Variants in NBEAL1 observed in about 807,000 individuals in gnomAD.
NBEAL1 encodes neurobeachin-like protein 1.
A neutral mutation model predicts 351.3 loss-of-function variants in NBEAL1; 273 were observed. The ratio of observed to expected loss-of-function variants is 0.78; its 90% confidence interval spans 0.70 to 0.86. The LOEUF (loss-of-function observed/expected upper bound fraction) is 0.86. Ranked by LOEUF, NBEAL1 falls within the 40% of genes least tolerant of loss-of-function variation. The pLI, the probability that NBEAL1 is intolerant of heterozygous loss-of-function variation, is 0.00. For missense variants in NBEAL1, 2,961 were observed against 3,201.3 expected (o/e 0.92, Z 1.81); for synonymous variants, 1,050 against 1,086.4 (o/e 0.97, Z 0.66).
chr2:203,152,124 A>T (rs915281082), intron 35 of NBEAL1, among the ~76,000 whole-genome samples: 8 of 151,384 alleles, frequency 5.3e-5, no homozygotes, highest in African/African-American at 1.9e-4. Flanking sequence ...CACCTGGCTA[A>T]TTTTTGTATT....
At position 203,064,920 on chromosome 2, in the gene NBEAL1, A is replaced by G. The variant is rs566155561; in HGVS notation, c.516-3473A>G. Among the ~76,000 whole-genome samples, 14 of 152,304 alleles carry G rather than the reference A, an allele frequency of 9.2e-5. 1 individual carries two copies. The South Asian group carries it at 2.3e-3, about 25-fold the overall frequency. On this transcript the variant is annotated intron_variant, in intron 6 of 55. Coordinates refer to ENST00000683969, the MANE Select transcript of NBEAL1 (RefSeq NM_001378026.1). The stretch of plus-strand genomic sequence containing the variant: ...ACTATATCCCTATTAGTAAATATTC[A>G]CTAAAATATTAAGAGAGGAAGGACC...
intron 10 of NBEAL1, among the ~76,000 whole-genome samples, chr2:203,092,431 G>A (rs2062085604): frequency 6.6e-6 from 1 of 152,018 alleles, no homozygotes; most frequent in South Asian, 2.1e-4. Flanking sequence ...TGGGTGTGGT[G>A]GTGCGCACCT....
intron 43 of NBEAL1, 49 bp downstream of exon 43, chr2:203,180,561 G>A (rs747177279): frequency 1.3e-6 from 2 of 1,526,020 alleles, no homozygotes; most frequent in Non-Finnish European, 1.8e-6. Context: ...CAATGGAGGA[G>A]CCTCAAAAAT....
At chr2:203,050,154 C>G in intron 4 of NBEAL1, 179 bp downstream of exon 4, 1 of 518,098 alleles carries the variant, frequency 1.9e-6, no homozygotes, top group East Asian at 3.0e-5. Context: ...ATGCAGCAAA[C>G]CACTATGGCA....
intron 36 of NBEAL1, among the ~76,000 whole-genome samples, chr2:203,165,148 A>G (rs2064095410): frequency 6.6e-6 from 1 of 152,188 alleles, no homozygotes; most frequent in Non-Finnish European, 1.5e-5. Flanking sequence ...GGCGTGAGCC[A>G]CCGCGCCCAC....
intron 10 of NBEAL1, among the ~76,000 whole-genome samples, chr2:203,087,975 G>A (rs932278248): frequency 2.6e-5 from 4 of 152,142 alleles, no homozygotes; most frequent in African/African-American, 7.2e-5. Flanking sequence ...AATATCAGAA[G>A]CAAAATGTAT....
intron 8 of NBEAL1, among the ~76,000 whole-genome samples, chr2:203,079,329 A>G (rs1450709188): frequency 6.6e-6 from 1 of 152,140 alleles, no homozygotes; most frequent in South Asian, 2.1e-4. Context: ...CAACCTGCCC[A>G]CTTCAGACTC....
intron 4 of NBEAL1, among the ~76,000 whole-genome samples, chr2:203,053,110 C>G (rs1411001409): frequency 1.3e-5 from 2 of 152,062 alleles, no homozygotes; most frequent in Admixed American, 1.3e-4. Flanking sequence ...AGTATAATTG[C>G]TGTATCATAC....
intron 2 of NBEAL1, among the ~76,000 whole-genome samples, chr2:203,022,277 C>T (rs190695855): frequency 3.4e-4 from 52 of 152,160 alleles, no homozygotes; most frequent in African/African-American, 1.3e-3. Context: ...GTATCAAATG[C>T]GTTAACTGAG....
rs919997156 is a variant in NBEAL1 at position 203,057,189 on chromosome 2, T to C, written c.388-137T>C. 5 of 607,474 alleles carry C rather than the reference T, an allele frequency of 8.2e-6. No homozygotes were observed. The African/African-American group carries it at 9.2e-5, about 11-fold the overall frequency. 37.6% of individuals were successfully genotyped at this position (607,474 alleles called of 1,614,324 possible). On this transcript the variant is annotated intron_variant, in intron 5 of 55. Coordinates refer to ENST00000683969, the MANE Select transcript of NBEAL1 (RefSeq NM_001378026.1). ...GCTATCGTAGGACATATTTAAAATC[T>C]TAGTGGCTGTATCCAGTCCATATGA...
At chr2:203,028,442 G>T (rs752966328) in intron 2 of NBEAL1, among the ~76,000 whole-genome samples, 3 of 151,806 alleles carry the variant, frequency 2.0e-5, no homozygotes, top group Non-Finnish European at 4.4e-5. Flanking sequence ...AGGTATGCAG[G>T]AGGTCAGTTA....
chr2:203,206,159 C>G (rs558013774), intron 51 of NBEAL1, among the ~76,000 whole-genome samples: 2 of 152,086 alleles, frequency 1.3e-5, no homozygotes, highest in South Asian at 4.2e-4. Flanking sequence ...AATGGAAGAT[C>G]AAACATGAAA....
In NBEAL1 at chr2:203,210,524, C is replaced by T. The variant is rs564698424; in HGVS notation, c.7786-434C>T. Among the ~76,000 whole-genome samples the T allele has an allele frequency of 1.8e-4, 28 of 151,810 alleles. 1 individual carries two copies. Among genetic ancestry groups the T allele is most frequent in the African/African-American group, 4.8e-4 (20 of 41,366 alleles). ...AAAATGCAAAAAAAGATTAGCTGGG[C>T]GTGGTGTTGGGCACCTGTAGTCCCA... On this transcript the variant is annotated intron_variant, in intron 53 of 55. Transcript: ENST00000683969.
Position 203,222,894 on chromosome 2 carries a change from T to C in NBEAL1, c.*5540T>C, listed in dbSNP as rs2065966755. On this transcript the variant is annotated 3_prime_UTR_variant, in exon 56 of 56. Transcript: ENST00000683969. ...AATAATCTTTAATTTTTTATAGGTA[T>C]AACAGAGAAGAACGCATTAACATTT... Among the ~76,000 whole-genome samples the C allele has an allele frequency of 6.6e-6, 1 of 152,202 alleles. No individual in the cohort carries two copies. The highest frequency in any genetic ancestry group is 1.5e-5 in the Non-Finnish European group (1 of 68,018).
Position 203,144,798 on chromosome 2 carries a change from A to T in NBEAL1, c.5047A>T (p.Asn1683Tyr). 6.2e-7 allele frequency: 1 copy of T among 1,614,096 alleles called. No individual in the cohort carries two copies. The highest frequency in any genetic ancestry group is 1.1e-5 in the South Asian group (1 of 91,084). ...CAAAATTTATGAGCTTCTCTTCATG[A>T]ACTTGCACCTACCTTCTTTACCTTT... is the stretch of plus-strand genomic sequence containing the variant. ...VSKIYELLFMNLHLPSLPFTN... is the reference protein window; with the variant it reads ...VSKIYELLFMYLHLPSLPFTN... The change falls in exon 32 of 56, where the codon AAC (asparagine) becomes TAC (tyrosine). Residue 1683 changes from asparagine to tyrosine, a missense_variant. Coordinates refer to ENST00000683969, the MANE Select transcript of NBEAL1 (RefSeq NM_001378026.1).
intron 7 of NBEAL1, chr2:203,074,590 A>G (rs575304090): frequency 4.6e-5 from 7 of 152,204 alleles, no homozygotes; most frequent in South Asian, 2.1e-4. Context: ...AGCCTCCCAA[A>G]GTGCTAGGAT....
rs1436055942 is a variant in NBEAL1 at position 203,107,787 on chromosome 2, A to C, written c.1548A>C (p.Ala516=). The C allele has an allele frequency of 1.9e-6, 3 of 1,554,542 alleles. No individual in the cohort carries two copies. Among genetic ancestry groups the C allele is most frequent in the Non-Finnish European group, 8.7e-7 (1 of 1,147,802 alleles). The change falls in exon 14 of 56, where the codon GCA becomes GCC. Residue 516 remains alanine (A), a synonymous_variant. Coordinates refer to ENST00000683969, the MANE Select transcript of NBEAL1 (RefSeq NM_001378026.1). ...NRQSRTTCVN[A]NMGIRIIETL... is the part of the protein sequence containing the mutation. Reference sequence around the variant, plus strand: ...AGAGTCGAACTACTTGTGTCAATGCAAACATGGGGATTAGAATCATTGAAA... The same window carrying C: ...AGAGTCGAACTACTTGTGTCAATGCCAACATGGGGATTAGAATCATTGAAA...
At chr2:203,084,656 A>T in intron 10 of NBEAL1, 87 bp downstream of exon 10, 3 of 632,328 alleles carry the variant, frequency 4.7e-6, no homozygotes, top group Non-Finnish European at 7.4e-6. Context: ...TATTTTTACT[A>T]ATTTTTATAC....
chr2:203,183,309 A>T lies in NBEAL1; in HGVS notation c.6626A>T (p.Lys2209Ile), dbSNP rs758261025. The T allele has an allele frequency of 5.6e-6, 9 of 1,594,722 alleles. No individual in the cohort carries two copies. The highest frequency in any genetic ancestry group is 7.7e-6 in the Non-Finnish European group (9 of 1,171,612). Residue 2209 changes from lysine to isoleucine, a missense_variant, in exon 44 of 56, where the codon AAA becomes ATA. Lys to Ile is a moderately radical substitution (Grantham distance 102, BLOSUM62 -3). Coordinates refer to ENST00000683969, the MANE Select transcript of NBEAL1 (RefSeq NM_001378026.1). ...QFNLGRLQIS[K>I]ELVNDVILPK... The stretch of plus-strand genomic sequence containing the variant: ...AACTTGGGTCGTCTACAGATTTCCA[A>T]AGAATTAGTAAATGATGTCATTCTC...
Sources: allele counts gnomAD v4.1 joint callset (sites outside exome capture counted in the v4.1 genomes callset), GRCh38; gene constraint gnomAD v4.1.1; transcripts MANE v1.5; gene names NCBI Gene and HGNC (gene_info 2026-07-23, HGNC 2026-07-21).